Variants in NLGN1 observed in about 807,000 individuals in gnomAD.
NLGN1 encodes the protein neuroligin-1.
In NLGN1, 12 loss-of-function variants were observed where a neutral mutation model predicts 65.5. The ratio of observed to expected loss-of-function variants is 0.18; its 90% CI spans 0.12 to 0.30. NLGN1 has a LOEUF of 0.30. Ranked by LOEUF, NLGN1 falls within the 10% of genes least tolerant of loss-of-function variation. The pLI is 1.00. For missense variants in NLGN1, 750 were observed against 1,007.1 expected (o/e 0.74, Z 3.46); for synonymous variants, 350 against 359.5 (o/e 0.97, Z 0.30).
chr3:174,078,392 C>T (rs1741449762), intron 4 of NLGN1, among the ~76,000 whole-genome samples: 1 of 152,112 alleles, frequency 6.6e-6, no homozygotes, highest in South Asian at 2.1e-4. Flanking sequence ...ATCAACTGTC[C>T]ATTGGAAGGG....
chr3:173,675,097 A>G (rs1357794122), intron 3 of NLGN1, among the ~76,000 whole-genome samples: 1 of 152,022 alleles, frequency 6.6e-6, no homozygotes, highest in African/African-American at 2.4e-5. Flanking sequence ...AATTATTAAT[A>G]AATTGTGTTA....
rs552323593 is a variant in NLGN1, at chr3:173,600,465, A to T, written c.-320-3814A>T. ...TATACATTTTATGAGGGACATAAAGATATTTTTTAAAACACATATGCAAAG... is the reference window on the plus strand; with the variant it reads ...TATACATTTTATGAGGGACATAAAGTTATTTTTTAAAACACATATGCAAAG... On this transcript the variant is annotated intron_variant, in intron 2 of 6. Coordinates refer to ENST00000457714, the Ensembl canonical transcript of NLGN1. Among the ~76,000 whole-genome samples, 3 of 152,168 alleles carry T rather than the reference A, an allele frequency of 2.0e-5. No homozygotes were observed. In the East Asian group the frequency reaches 5.8e-4, roughly 29 times the overall value.
At chr3:173,777,237 T>G (rs1336887897) in intron 3 of NLGN1, among the ~76,000 whole-genome samples, 1 of 151,932 alleles carries the variant, frequency 6.6e-6, no homozygotes, top group Non-Finnish European at 1.5e-5. Flanking sequence ...AGTGTTAGCT[T>G]TACTAGTTTA....
At chr3:173,986,528 A>C (rs1032711248) in intron 4 of NLGN1, among the ~76,000 whole-genome samples, 1 of 152,174 alleles carries the variant, frequency 6.6e-6, no homozygotes, top group African/African-American at 2.4e-5. Context: ...ACACCAAGAC[A>C]GACATGCACC....
chr3:173,517,612 C>T (rs13061519), intron 2 of NLGN1, among the ~76,000 whole-genome samples: 3,357 of 152,176 alleles, frequency 0.022, 44 homozygotes, highest in Admixed American at 0.039. Flanking sequence ...GGGACAATTC[C>T]TGTGATTAGT....
chr3:173,769,139 G>A (rs1403431738), intron 3 of NLGN1, among the ~76,000 whole-genome samples: 1 of 152,054 alleles, frequency 6.6e-6, no homozygotes, highest in Non-Finnish European at 1.5e-5. Context: ...AAATTAAGAG[G>A]CATAGTTTTG....
At chr3:173,665,501 T>C (rs1370270218) in intron 3 of NLGN1, among the ~76,000 whole-genome samples, 2 of 152,178 alleles carry the variant, frequency 1.3e-5, no homozygotes, top group African/African-American at 4.8e-5. Context: ...TGTCGAGCCA[T>C]TTAGACATTT....
chr3:174,273,197 T>C (rs1385067649), intron 4 of NLGN1, among the ~76,000 whole-genome samples: 1 of 151,662 alleles, frequency 6.6e-6, no homozygotes, highest in Non-Finnish European at 1.5e-5. Flanking sequence ...GATGTAAAGA[T>C]TCATTTGAAT....
intron 4 of NLGN1, among the ~76,000 whole-genome samples, chr3:173,971,863 T>C (rs1311881802): frequency 6.6e-6 from 1 of 152,110 alleles, no homozygotes; most frequent in Non-Finnish European, 1.5e-5. Flanking sequence ...AGAACTGTTA[T>C]ACAGTCATTC....
At chr3:173,827,448 G>T (rs1284894487) in intron 4 of NLGN1, among the ~76,000 whole-genome samples, 1 of 151,954 alleles carries the variant, frequency 6.6e-6, no homozygotes, top group Non-Finnish European at 1.5e-5. Context: ...GAGTCAGTTG[G>T]CCAAGAAGTG....
chr3:174,122,626 C>G (rs1576988937), intron 4 of NLGN1, among the ~76,000 whole-genome samples: 1 of 152,170 alleles, frequency 6.6e-6, no homozygotes, highest in Non-Finnish European at 1.5e-5. Context: ...TCATGATCAT[C>G]ATGTGGCAAA....
chr3:174,159,986 G>C (rs1726190951), intron 4 of NLGN1, among the ~76,000 whole-genome samples: 1 of 151,672 alleles, frequency 6.6e-6, no homozygotes. Flanking sequence ...TTTCTTACGA[G>C]ATTTTCTTTC....
intron 2 of NLGN1, among the ~76,000 whole-genome samples, chr3:173,488,009 G>A (rs6800806): frequency 0.48 from 72,014 of 151,222 alleles, 19,648 homozygotes; most frequent in East Asian, 0.81. Flanking sequence ...GTATTTTATC[G>A]CTTTTTTATT....
intron 4 of NLGN1, among the ~76,000 whole-genome samples, chr3:173,911,791 G>A (rs1036580833): frequency 5.9e-5 from 9 of 152,124 alleles, no homozygotes; most frequent in African/African-American, 1.9e-4. Context: ...AACCATGAAA[G>A]CATCCCTTTG....
chr3:173,793,471 T>G (rs1231011645), intron 3 of NLGN1, among the ~76,000 whole-genome samples: 1 of 152,162 alleles, frequency 6.6e-6, no homozygotes, highest in African/African-American at 2.4e-5. Flanking sequence ...TCATCCCTGT[T>G]GTACTGAGAT....
chr3:174,112,819 T>A (rs901023264), intron 4 of NLGN1, among the ~76,000 whole-genome samples: 1 of 151,924 alleles, frequency 6.6e-6, no homozygotes, highest in Non-Finnish European at 1.5e-5. Context: ...ATTAAAGAAT[T>A]TGACACGGTG....
chr3:173,925,579 G>A (rs1009184511), intron 4 of NLGN1, among the ~76,000 whole-genome samples: 1 of 152,260 alleles, frequency 6.6e-6, no homozygotes, highest in African/African-American at 2.4e-5. Context: ...CTGGGAGCTG[G>A]AAGAATACAA....
intron 4 of NLGN1, among the ~76,000 whole-genome samples, chr3:173,819,340 CT>C (rs889847264): frequency 1.3e-5 from 2 of 152,152 alleles, no homozygotes; most frequent in Non-Finnish European, 2.9e-5. Context: ...CACCAGTTTT[CT>C]TTAGCTTTTC....
intron 2 of NLGN1, among the ~76,000 whole-genome samples, chr3:173,593,585 A>AGCCAGGCCTTGAAAGGTACTAGCT (rs1748920933): frequency 6.6e-6 from 1 of 152,200 alleles, no homozygotes; most frequent in South Asian, 2.1e-4. Flanking sequence ...TTGACTTTTG[A>AGCCAGGCCTTGAAAGGTACTAGCT]GCCAGGCCTT....
Sources: allele counts gnomAD v4.1 joint callset (sites outside exome capture counted in the v4.1 genomes callset), GRCh38; gene constraint gnomAD v4.1.1; transcripts MANE v1.5; gene names NCBI Gene and HGNC (gene_info 2026-07-23, HGNC 2026-07-21).